SNTB1: variants seen among roughly 807,000 people sequenced by gnomAD.
SNTB1 encodes the protein syntrophin beta 1.
A neutral mutation model predicts 48.9 loss-of-function variants in SNTB1; 36 were observed. The observed-to-expected ratio is 0.74, with a 90% CI of 0.56 to 0.97. The LOEUF (loss-of-function observed/expected upper bound fraction) is 0.97, where lower values mean the gene tolerates loss of function less well. Ranked by LOEUF, SNTB1 falls within the 50% of genes least tolerant of loss-of-function variation. The pLI is 0.00. For missense variants in SNTB1, 786 were observed against 703.4 expected (o/e 1.12, Z -1.33); for synonymous variants, 299 against 294.6 (o/e 1.01, Z -0.15).
chr8:120,544,189 C>G (rs1815339257), intron 5 of SNTB1, among the ~76,000 whole-genome samples: 1 of 152,152 alleles, frequency 6.6e-6, no homozygotes, highest in Non-Finnish European at 1.5e-5. Flanking sequence ...AATGTTAAAG[C>G]TATACCTTCA....
chr8:120,681,588 G>A (rs941534856), intron 2 of SNTB1, among the ~76,000 whole-genome samples: 21 of 150,860 alleles, frequency 1.4e-4, no homozygotes, highest in African/African-American at 5.2e-4. Flanking sequence ...AGTGGAAAGT[G>A]GGTATTCTCC....
At chr8:120,767,061 T>C (rs1254842787) in intron 1 of SNTB1, among the ~76,000 whole-genome samples, 1 of 152,236 alleles carries the variant, frequency 6.6e-6, no homozygotes, top group Non-Finnish European at 1.5e-5. Flanking sequence ...GTGCTTACAC[T>C]TCTCTCATCC....
intron 3 of SNTB1, among the ~76,000 whole-genome samples, chr8:120,618,191 T>C (rs1587036021): frequency 6.6e-6 from 1 of 152,140 alleles, no homozygotes; most frequent in East Asian, 1.9e-4. Context: ...CCCCCACTGA[T>C]TTAATATGGA....
intron 1 of SNTB1, among the ~76,000 whole-genome samples, chr8:120,730,666 G>A (rs1403093649): frequency 1.3e-5 from 2 of 152,144 alleles, no homozygotes; most frequent in Non-Finnish European, 2.9e-5. Context: ...CAGGTCCATC[G>A]CTTAGTAACC....
In SNTB1 at chr8:120,541,837, T is replaced by C. The variant is rs1815293205; in HGVS notation, c.1497A>G (p.Leu499=). 1.2e-6 allele frequency: 2 copies of C among 1,613,176 alleles called. No individual in the cohort carries two copies. The highest frequency in any genetic ancestry group is 8.5e-7 in the Non-Finnish European group (1 of 1,179,750). The change falls in exon 6 of 7, where the codon TTA becomes TTG. Residue 499 remains leucine, a synonymous_variant. Coordinates refer to ENST00000517992, the MANE Select transcript of SNTB1 (RefSeq NM_021021.4). ...TCTCTCCATCTTTGCCTCCAAAATC[T>C]AAATACAGCATCCTGATTCCATCAT... ...SSDDGIRMLY[L]DFGGKDGEIQ... is the part of the protein sequence containing the mutation.
chr8:120,749,918 T>C (rs1819183247), intron 1 of SNTB1, among the ~76,000 whole-genome samples: 1 of 152,216 alleles, frequency 6.6e-6, no homozygotes, highest in South Asian at 2.1e-4. Context: ...AGCCATAACA[T>C]GGTTCTTTCT....
At chr8:120,758,755 T>A (rs760810885) in intron 1 of SNTB1, among the ~76,000 whole-genome samples, 2 of 152,116 alleles carry the variant, frequency 1.3e-5, no homozygotes, top group Non-Finnish European at 2.9e-5. Context: ...AACCTTAATA[T>A]ACTGTGGCCT....
chr8:120,729,544 G>A (rs1270060485), intron 1 of SNTB1, among the ~76,000 whole-genome samples: 8 of 152,248 alleles, frequency 5.3e-5, no homozygotes, highest in African/African-American at 1.9e-4. Flanking sequence ...AGTGAGGGCT[G>A]AGGGTGAGAG....
chr8:120,590,965 G>A (rs1175375962), intron 3 of SNTB1, among the ~76,000 whole-genome samples: 1 of 152,118 alleles, frequency 6.6e-6, no homozygotes, highest in Non-Finnish European at 1.5e-5. Flanking sequence ...AATTACCAAC[G>A]TGAAACACTG....
At chr8:120,677,731 T>C (rs1027399287) in intron 2 of SNTB1, among the ~76,000 whole-genome samples, 4 of 152,194 alleles carry the variant, frequency 2.6e-5, no homozygotes, top group Non-Finnish European at 5.9e-5. Context: ...AGAGATACTA[T>C]CATCCTCATT....
intron 1 of SNTB1, among the ~76,000 whole-genome samples, chr8:120,760,244 G>A (rs1364612684): frequency 7.1e-6 from 1 of 140,660 alleles, no homozygotes; most frequent in African/African-American, 2.9e-5. Flanking sequence ...TTCTGGTTCT[G>A]TAAATAAAGA....
intron 3 of SNTB1, among the ~76,000 whole-genome samples, chr8:120,589,260 G>T (rs755040453): frequency 6.6e-6 from 1 of 152,106 alleles, no homozygotes; most frequent in Non-Finnish European, 1.5e-5. Flanking sequence ...ATAAATGCTC[G>T]CTGAGATCGG....
chr8:120,552,407 G>A (rs1488361260), intron 4 of SNTB1, among the ~76,000 whole-genome samples: 1 of 152,180 alleles, frequency 6.6e-6, no homozygotes, highest in Admixed American at 6.5e-5. Flanking sequence ...CACCCAGGCT[G>A]GAGTGCAGTG....
At chr8:120,605,895 T>C (rs1471078861) in intron 3 of SNTB1, among the ~76,000 whole-genome samples, 2 of 152,050 alleles carry the variant, frequency 1.3e-5, no homozygotes, top group African/African-American at 4.8e-5. Context: ...AGGTACAACA[T>C]TTAGCTACAG....
intron 3 of SNTB1, among the ~76,000 whole-genome samples, chr8:120,600,044 T>C (rs1328588908): frequency 6.6e-6 from 1 of 152,260 alleles, no homozygotes; most frequent in Non-Finnish European, 1.5e-5. Context: ...AAATTTTAGT[T>C]GGAATATTTC....
intron 2 of SNTB1, among the ~76,000 whole-genome samples, chr8:120,687,438 C>G (rs1818052646): frequency 2.0e-5 from 3 of 152,282 alleles, no homozygotes; most frequent in East Asian, 1.9e-4. Context: ...AAACCTCAGG[C>G]TATTTATGTA....
chr8:120,592,216 C>G (rs1017365460), intron 3 of SNTB1, among the ~76,000 whole-genome samples: 1 of 152,030 alleles, frequency 6.6e-6, no homozygotes, highest in South Asian at 2.1e-4. Flanking sequence ...GGGCCTAGCT[C>G]TGTCACCCAG....
chr8:120,737,096 G>C (rs1403575462), intron 1 of SNTB1, among the ~76,000 whole-genome samples: 1 of 152,144 alleles, frequency 6.6e-6, no homozygotes, highest in Non-Finnish European at 1.5e-5. Context: ...GTGACCTTGA[G>C]CATATCACAC....
intron 1 of SNTB1, among the ~76,000 whole-genome samples, chr8:120,700,775 A>G (rs1404673584): frequency 6.6e-6 from 1 of 152,254 alleles, no homozygotes; most frequent in Admixed American, 6.5e-5. Context: ...ATTTGAAAGA[A>G]AAAGCACACA....
Sources: allele counts gnomAD v4.1 joint callset (sites outside exome capture counted in the v4.1 genomes callset), GRCh38; gene constraint gnomAD v4.1.1; transcripts MANE v1.5; gene names NCBI Gene and HGNC (gene_info 2026-07-23, HGNC 2026-07-21).